The following FSTL5 variants were observed in gnomAD, a reference collection of about 807,000 sequenced individuals.
FSTL5 encodes the protein follistatin like 5.
Under a neutral mutation model 89.1 loss-of-function variants are expected in FSTL5, and 62 were observed. The observed-to-expected ratio is 0.70, with a 90% confidence interval of 0.57 to 0.86. FSTL5 has a LOEUF of 0.86. Among genes scored for constraint, FSTL5 ranks in the 40% least tolerant of loss-of-function variants. The pLI, the probability that FSTL5 is intolerant of heterozygous loss-of-function variation, is 0.00. For synonymous variants in FSTL5, 383 were observed against 346.2 expected, an observed-to-expected ratio of 1.11 and a Z score of -1.18; for missense variants, 1,057 against 1,001.6, an observed-to-expected ratio of 1.06 and a Z score of -0.75.
At chr4:161,496,298 T>C (rs941468998) in intron 12 of FSTL5, among the ~76,000 whole-genome samples, 1 of 152,110 alleles carries the variant, frequency 6.6e-6, no homozygotes, top group Non-Finnish European at 1.5e-5. Flanking sequence ...GAAGATGTGA[T>C]GGTTGATTTA....
chr4:161,725,651 T>G (rs918087279), intron 6 of FSTL5, among the ~76,000 whole-genome samples: 1 of 152,122 alleles, frequency 6.6e-6, no homozygotes, highest in Non-Finnish European at 1.5e-5. Context: ...GTTTTCAATT[T>G]TGTCTAAAAA....
Position 161,385,891 on chromosome 4 carries a change from G to A in FSTL5, c.2400C>T (p.Ile800=). Reference sequence around the variant, plus strand: ...ATTGACCAAACAAGCCACTGTCCTGGATTTGCCTGTTTTTCCGGTTCCAAG... The same window carrying A: ...ATTGACCAAACAAGCCACTGTCCTGAATTTGCCTGTTTTTCCGGTTCCAAG... ...EWPWNRKNRQ[I]QDSGLFGQYL... Residue 800 remains isoleucine (I), a synonymous_variant, in exon 16 of 16, where the codon ATC becomes ATT. Coordinates refer to ENST00000306100, the MANE Select transcript of FSTL5 (RefSeq NM_020116.5). The A allele has an allele frequency of 6.2e-7, 1 of 1,613,828 alleles. No homozygotes were observed. Among genetic ancestry groups the A allele is most frequent in the Non-Finnish European group, 8.5e-7 (1 of 1,179,908 alleles).
At chr4:161,483,560 A>G (rs576005229) in intron 12 of FSTL5, among the ~76,000 whole-genome samples, 3 of 152,336 alleles carry the variant, frequency 2.0e-5, no homozygotes, top group African/African-American at 7.2e-5. Flanking sequence ...TTACAAAGCC[A>G]TTAAAAGTTT....
intron 4 of FSTL5, among the ~76,000 whole-genome samples, chr4:161,871,502 C>A (rs1732261404): frequency 6.6e-6 from 1 of 151,990 alleles, no homozygotes; most frequent in East Asian, 1.9e-4. Flanking sequence ...CCCGGCAAAC[C>A]AAATAGGTAC....
intron 7 of FSTL5, among the ~76,000 whole-genome samples, chr4:161,597,106 A>T (rs1036529089): frequency 6.6e-6 from 1 of 152,068 alleles, no homozygotes; most frequent in Non-Finnish European, 1.5e-5. Context: ...GTCCTTGCCC[A>T]TGCCTATGTC....
chr4:162,056,034 A>AGC (rs1482846634), intron 2 of FSTL5, among the ~76,000 whole-genome samples: 6 of 151,994 alleles, frequency 3.9e-5, no homozygotes, highest in African/African-American at 1.2e-4. Flanking sequence ...AGAGTAAGAA[A>AGC]TAATTTAGTA....
chr4:161,681,202 T>C (rs1737506859), intron 6 of FSTL5, among the ~76,000 whole-genome samples: 1 of 152,074 alleles, frequency 6.6e-6, no homozygotes, highest in Admixed American at 6.6e-5. Context: ...TAAATATGTT[T>C]AAATACTGTG....
chr4:161,566,100 C>CTA (rs59511238), intron 8 of FSTL5, among the ~76,000 whole-genome samples: 1,580 of 53,670 alleles, frequency 0.029, 77 homozygotes, highest in African/African-American at 0.043. Flanking sequence ...TTTTTTTGGA[C>CTA]TATATATATA....
chr4:162,017,419 C>G (rs187034464), intron 3 of FSTL5, among the ~76,000 whole-genome samples: 39 of 152,214 alleles, frequency 2.6e-4, no homozygotes, highest in African/African-American at 9.4e-4. Context: ...TTACATCATA[C>G]TAAAATTATT....
chr4:161,676,602 T>C (rs11722605), intron 6 of FSTL5, among the ~76,000 whole-genome samples: 1,783 of 152,112 alleles, frequency 0.012, 17 homozygotes, highest in Non-Finnish European at 0.018. Context: ...TGTATACCTA[T>C]GTTAACAAAC....
intron 3 of FSTL5, among the ~76,000 whole-genome samples, chr4:161,970,763 C>T (rs895719901): frequency 5.3e-5 from 8 of 151,824 alleles, no homozygotes; most frequent in African/African-American, 1.5e-4. Context: ...AATAAAATCC[C>T]TATGGGAAAG....
At chr4:162,157,785 G>C (rs1733539365) in intron 1 of FSTL5, among the ~76,000 whole-genome samples, 1 of 152,080 alleles carries the variant, frequency 6.6e-6, no homozygotes. Flanking sequence ...ATTCAGTAGG[G>C]AGTCTGATGC....
At chr4:162,023,945 C>T (rs1737188313) in intron 3 of FSTL5, among the ~76,000 whole-genome samples, 1 of 152,066 alleles carries the variant, frequency 6.6e-6, no homozygotes, top group Non-Finnish European at 1.5e-5. Context: ...CCATAAAAGA[C>T]CCTGCTTGCA....
intron 4 of FSTL5, among the ~76,000 whole-genome samples, chr4:161,908,015 T>A (rs1404751725): frequency 6.6e-6 from 1 of 152,086 alleles, no homozygotes; most frequent in African/African-American, 2.4e-5. Context: ...ATATATACTG[T>A]GGGAAACATG....
chr4:162,033,219 C>A (rs1443990294), intron 3 of FSTL5, among the ~76,000 whole-genome samples: 1 of 152,088 alleles, frequency 6.6e-6, no homozygotes, highest in Non-Finnish European at 1.5e-5. Flanking sequence ...TATGTTCTAG[C>A]CTTTTTGTAG....
chr4:161,943,538 C>CTTTTTTTTTT lies in FSTL5; in HGVS notation c.161-22896_161-22887dup, dbSNP rs77101651. On this transcript the variant is annotated intron_variant, in intron 3 of 15. Coordinates refer to ENST00000306100, the MANE Select transcript of FSTL5 (RefSeq NM_020116.5). The stretch of plus-strand genomic sequence containing the variant: ...GACTTTTACATCAGAACCACTGTAT[C>CTTTTTTTTTT]TTTTTTTTTTTTTTTTTTTTTTTTT... Among the ~76,000 whole-genome samples the CTTTTTTTTTT allele has an allele frequency of 4.9e-4, 17 of 34,366 alleles. 6 individuals are homozygous for CTTTTTTTTTT. Among genetic ancestry groups the CTTTTTTTTTT allele is most frequent in the African/African-American group, 2.0e-3 (16 of 8,066 alleles). 22.5% of individuals were successfully genotyped at this position (34,366 alleles called of 152,430 possible).
intron 6 of FSTL5, among the ~76,000 whole-genome samples, chr4:161,664,313 T>C (rs1391593963): frequency 6.6e-6 from 1 of 152,224 alleles, no homozygotes; most frequent in Non-Finnish European, 1.5e-5. Context: ...GTTTCCCTTT[T>C]AAAATGGAAT....
chr4:161,948,413 C>T (rs1338848142), intron 3 of FSTL5, among the ~76,000 whole-genome samples: 1 of 149,348 alleles, frequency 6.7e-6, no homozygotes, highest in Non-Finnish European at 1.5e-5. Context: ...GTTTTCAGCT[C>T]TTGTTTCCAA....
At chr4:161,797,302 C>T (rs1349778470) in intron 4 of FSTL5, among the ~76,000 whole-genome samples, 1 of 151,426 alleles carries the variant, frequency 6.6e-6, no homozygotes, top group Admixed American at 6.6e-5. Context: ...GATAATGGTA[C>T]AGAAAGAATA....
Sources: gnomAD v4.1 joint callset for allele counts (sites outside exome capture counted in the v4.1 genomes callset) on GRCh38, gnomAD v4.1.1 for gene constraint, MANE v1.5 for transcripts, NCBI Gene and HGNC (gene_info 2026-07-23, HGNC 2026-07-21) for gene names.